SMAD2: variants seen among roughly 807,000 people sequenced by gnomAD.
SMAD2 encodes the protein SMAD family member 2.
Under a neutral mutation model 64.4 loss-of-function variants are expected in SMAD2, and 8 were observed. The observed-to-expected ratio is 0.12, with a 90% confidence interval of 0.07 to 0.22. The LOEUF is 0.22. Ranked by LOEUF, SMAD2 falls within the 10% of genes least tolerant of loss-of-function variation. SMAD2 has a pLI of 1.00. For synonymous variants in SMAD2, 203 were observed against 195.8 expected, an observed-to-expected ratio of 1.04 and a Z score of -0.31; for missense variants, 289 against 561.2, an observed-to-expected ratio of 0.51 and a Z score of 4.90.
chr18:47,851,889 A>G lies in SMAD2; in HGVS notation c.731-562T>C, dbSNP rs571562621. On this transcript the variant is annotated intron_variant, in intron 6 of 10. Coordinates refer to ENST00000262160, the MANE Select transcript of SMAD2 (RefSeq NM_005901.6). ...TTGCACGCTTCCAATCACATCTGAA[A>G]GATACATTCTTCAAGAAACTGCCAG... is the stretch of plus-strand genomic sequence containing the variant. Among the ~76,000 whole-genome samples the G allele has an allele frequency of 2.6e-5, 4 of 152,314 alleles. No homozygotes were observed. In the South Asian group the frequency reaches 8.3e-4, roughly 32 times the overall value.
At chr18:47,899,690 G>A (rs916047451) in intron 1 of SMAD2, among the ~76,000 whole-genome samples, 6 of 152,138 alleles carry the variant, frequency 3.9e-5, no homozygotes, top group Non-Finnish European at 8.8e-5. Context: ...AGCTATCTGT[G>A]CCTGACAAAT....
rs1202817151 is a variant in SMAD2 at position 47,815,946 on chromosome 18, G to A, written c.*25881C>T. ...CTTGCAGACTTACCCAGGGCTCAGA[G>A]CACATGGCTTAGTCCTGACATAAAA... On this transcript the variant is annotated 3_prime_UTR_variant, in exon 11 of 11. Transcript: ENST00000262160. 6.6e-6 allele frequency: 1 copy of A among 152,180 alleles called. No homozygotes were observed. Among genetic ancestry groups the A allele is most frequent in the Non-Finnish European group, 1.5e-5 (1 of 68,042 alleles). The allele number at this position is 152,180 out of a possible 1,614,324, so 9.4% of individuals were successfully genotyped here.
At chr18:47,858,681 A>G (rs1007482460) in intron 6 of SMAD2, among the ~76,000 whole-genome samples, 4 of 152,172 alleles carry the variant, frequency 2.6e-5, no homozygotes, top group Non-Finnish European at 4.4e-5. Context: ...ATTTTACATG[A>G]CGTTGTAAAA....
rs550137610 is a variant in SMAD2 at position 47,865,078 on chromosome 18, C to G, written c.711G>C (p.Leu237Phe). The change falls in exon 6 of 11, where the codon TTG (leucine) becomes TTC (phenylalanine). Residue 237 changes from leucine to phenylalanine, a missense_variant. Around this residue, in one of 6 missense-constraint regions of SMAD2, gnomAD observed 119 missense variants for 156.7 expected, o/e 0.76. Coordinates refer to ENST00000262160, the MANE Select transcript of SMAD2 (RefSeq NM_005901.6). ...TTTTACCTGTGTCCATACTTTGATT[C>G]AACTGTTGGTCACTTGTTTCTCCAT... ...SEDGETSDQQ[L>F]NQSMDTGSPA... is the part of the protein sequence containing the mutation. 10 of 1,607,134 alleles carry G rather than the reference C, an allele frequency of 6.2e-6. No individual in the cohort carries two copies. The highest frequency in any genetic ancestry group is 8.5e-6 in the Non-Finnish European group (10 of 1,174,168).
At chr18:47,905,384 A>T (rs2033862175) in intron 1 of SMAD2, among the ~76,000 whole-genome samples, 1 of 152,136 alleles carries the variant, frequency 6.6e-6, no homozygotes, top group Admixed American at 6.5e-5. Context: ...AATTTGATAT[A>T]TGGATTCAAT....
rs570877241 is a variant in SMAD2 at position 47,824,557 on chromosome 18, A to T, written c.*17270T>A. 2.0e-5 allele frequency: 3 copies of T among 152,330 alleles called. No homozygotes were observed. In the South Asian group the frequency reaches 6.2e-4, roughly 32 times the overall value. The allele number at this position is 152,330 out of a possible 1,614,324, so 9.4% of individuals were successfully genotyped here. ...CCTTCACAATGCCCTATTCCCAAAT[A>T]AACATCATTTTCTTTTAGAAAGCCT... On this transcript the variant is annotated 3_prime_UTR_variant, in exon 11 of 11. Transcript: ENST00000262160.
chr18:47,854,943 C>T (rs2030533633), intron 6 of SMAD2, among the ~76,000 whole-genome samples: 1 of 152,092 alleles, frequency 6.6e-6, no homozygotes, highest in Admixed American at 6.5e-5. Flanking sequence ...TGACGTGTAT[C>T]CATTTACAGT....
chr18:47,891,433 G>A (rs1202435150), intron 2 of SMAD2, among the ~76,000 whole-genome samples: 3 of 152,072 alleles, frequency 2.0e-5, no homozygotes, highest in Non-Finnish European at 4.4e-5. Flanking sequence ...GAAAAAACAG[G>A]GGTGGGAGGG....
rs193045249 is a variant in SMAD2 at position 47,815,495 on chromosome 18, C to T, written c.*26332G>A. 6.6e-6 allele frequency: 1 copy of T among 152,342 alleles called. No individual in the cohort carries two copies. Among genetic ancestry groups the T allele is most frequent in the Admixed American group, 6.5e-5 (1 of 15,296 alleles). 9.4% of individuals were successfully genotyped at this position (152,342 alleles called of 1,614,324 possible). ...CAGATCCCAGTGCTCCAATTCCAGACCTGCTAAAGCAGAATCTCACAATTG... is the reference window on the plus strand; with the variant it reads ...CAGATCCCAGTGCTCCAATTCCAGATCTGCTAAAGCAGAATCTCACAATTG... On this transcript the variant is annotated 3_prime_UTR_variant, in exon 11 of 11. Coordinates refer to ENST00000262160, the MANE Select transcript of SMAD2 (RefSeq NM_005901.6).
intron 1 of SMAD2, among the ~76,000 whole-genome samples, chr18:47,911,720 A>G (rs2034143428): frequency 6.6e-6 from 1 of 152,244 alleles, no homozygotes; most frequent in Admixed American, 6.5e-5. Context: ...TGTAATGCAA[A>G]TAAAAGAGCA....
chr18:47,872,984 C>T (rs903026542), intron 2 of SMAD2, among the ~76,000 whole-genome samples: 3 of 151,892 alleles, frequency 2.0e-5, no homozygotes, highest in African/African-American at 7.2e-5. Flanking sequence ...GCCTCAGCCT[C>T]CTGAGTAGCT....
intron 2 of SMAD2, among the ~76,000 whole-genome samples, chr18:47,888,574 G>A (rs768993297): frequency 7.9e-5 from 12 of 152,162 alleles, no homozygotes; most frequent in Non-Finnish European, 1.2e-4. Context: ...TCCCTGGAGC[G>A]CTGTTTGCAG....
rs764594290 is a variant in SMAD2, at chr18:47,819,795, CAAAAAA to C, written c.*22026_*22031del. The C allele has an allele frequency of 8.2e-5, 8 of 97,158 alleles. No homozygotes were observed. The highest frequency in any genetic ancestry group is 1.2e-4 in the Non-Finnish European group (6 of 51,194). The allele number at this position is 97,158 out of a possible 1,614,324, so 6.0% of individuals were successfully genotyped here. On this transcript the variant is annotated 3_prime_UTR_variant, in exon 11 of 11. Transcript: ENST00000262160. Reference sequence around the variant, plus strand: ...TGGGTGACAGAGCGAGACTCCGTCTCAAAAAAAAAAAAAAAAAAAAGAATTGGATGG... The same window carrying C: ...TGGGTGACAGAGCGAGACTCCGTCTCAAAAAAAAAAAAAAGAATTGGATGG...
At chr18:47,855,604 T>C (rs898357657) in intron 6 of SMAD2, among the ~76,000 whole-genome samples, 10 of 152,122 alleles carry the variant, frequency 6.6e-5, no homozygotes, top group Non-Finnish European at 1.3e-4. Context: ...CTGGTTATAG[T>C]ATTCTTGGTT....
chr18:47,813,473 C>T lies in SMAD2; in HGVS notation c.*28354G>A, dbSNP rs1912267790. On this transcript the variant is annotated 3_prime_UTR_variant, in exon 11 of 11. Transcript: ENST00000262160. ...CCAGGCTGGAGTGCAGTGGCGCAAT[C>T]TCGGCTCACTGCAACCTCTGCCTCC... is the stretch of plus-strand genomic sequence containing the variant. 6.8e-6 allele frequency: 1 copy of T among 146,860 alleles called. No homozygotes were observed. 9.1% of individuals were successfully genotyped at this position (146,860 alleles called of 1,614,324 possible).
intron 1 of SMAD2, among the ~76,000 whole-genome samples, chr18:47,905,641 T>C (rs1177781994): frequency 6.6e-6 from 1 of 152,168 alleles, no homozygotes; most frequent in Non-Finnish European, 1.5e-5. Flanking sequence ...GTCAACTCAT[T>C]TTCCAGTAAG....
intron 1 of SMAD2, among the ~76,000 whole-genome samples, chr18:47,915,753 A>G (rs2034307255): frequency 6.6e-6 from 1 of 152,132 alleles, no homozygotes. Flanking sequence ...TGTAACCACA[A>G]TCCCCAAAAA....
intron 9 of SMAD2, 88 bp from the exon 10 acceptor site, chr18:47,845,572 G>C (rs911830468): frequency 6.4e-7 from 1 of 1,560,252 alleles, no homozygotes; most frequent in Non-Finnish European, 8.8e-7. Context: ...TAGAATATGA[G>C]CATGCAATCA....
chr18:47,838,529 T>C lies in SMAD2; in HGVS notation c.*3298A>G. The C allele has an allele frequency of 4.3e-6, 1 of 233,128 alleles. No individual in the cohort carries two copies. The highest frequency in any genetic ancestry group is 8.5e-6 in the Non-Finnish European group (1 of 117,886). 14.4% of individuals were successfully genotyped at this position (233,128 alleles called of 1,614,324 possible). On this transcript the variant is annotated 3_prime_UTR_variant, in exon 11 of 11. Coordinates refer to ENST00000262160, the MANE Select transcript of SMAD2 (RefSeq NM_005901.6). Reference sequence around the variant, plus strand: ...ACTGAATGTGTATTATAAGGTATAATCGGTATAACTGATATAGCTCAAATC... The same window carrying C: ...ACTGAATGTGTATTATAAGGTATAACCGGTATAACTGATATAGCTCAAATC...
Sources: allele counts gnomAD v4.1 joint callset (sites outside exome capture counted in the v4.1 genomes callset), GRCh38; gene constraint gnomAD v4.1.1; regional missense constraint gnomAD v4.1.1; transcripts MANE v1.5; gene names NCBI Gene and HGNC (gene_info 2026-07-23, HGNC 2026-07-21).